AVL9: variants seen among roughly 807,000 people sequenced by gnomAD.
AVL9 encodes the protein AVL9 cell migration associated, also known as late secretory pathway protein AVL9 homolog.
AVL9 carries 49 observed loss-of-function variants against 79.2 expected under a neutral mutation model. That is an observed-to-expected ratio of 0.62 (90% CI 0.49 to 0.79). The LOEUF (loss-of-function observed/expected upper bound fraction) is 0.79, where lower values mean the gene tolerates loss of function less well. Among genes scored for constraint, AVL9 ranks in the 30% least tolerant of loss-of-function variants. AVL9 has a pLI of 0.00. For missense variants in AVL9, 682 were observed against 776.8 expected (o/e 0.88, Z 1.45); for synonymous variants, 299 against 280.6 (o/e 1.07, Z -0.65).
intron 10 of AVL9, among the ~76,000 whole-genome samples, chr7:32,568,347 C>G (rs971203205): frequency 1.3e-4 from 20 of 151,896 alleles, no homozygotes; most frequent in Admixed American, 1.2e-3. Flanking sequence ...ATTACAGGTG[C>G]CCGCCACCAT....
intron 12 of AVL9, among the ~76,000 whole-genome samples, chr7:32,575,665 G>A (rs1021435513): frequency 2.6e-5 from 4 of 152,122 alleles, no homozygotes; most frequent in African/African-American, 7.2e-5. Flanking sequence ...GGAGAATATG[G>A]AAATATTTTG....
At chr7:32,561,866 G>T (rs1411159132) in intron 10 of AVL9, among the ~76,000 whole-genome samples, 1 of 152,144 alleles carries the variant, frequency 6.6e-6, no homozygotes, top group Non-Finnish European at 1.5e-5. Flanking sequence ...CCATTGTAGG[G>T]TTGTTAATTG....
In AVL9 at chr7:32,585,329, A is replaced by G. The variant is rs1362002472; in HGVS notation, c.*1422A>G. The G allele has an allele frequency of 6.6e-6, 1 of 152,234 alleles. No homozygotes were observed. Among genetic ancestry groups the G allele is most frequent in the Non-Finnish European group, 1.5e-5 (1 of 68,034 alleles). The allele number at this position is 152,234 out of a possible 1,614,324, so 9.4% of individuals were successfully genotyped here. On this transcript the variant is annotated 3_prime_UTR_variant, in exon 16 of 16. Coordinates refer to ENST00000318709, the MANE Select transcript of AVL9 (RefSeq NM_015060.3). ...GAAAACTGCAGCCTTGACATCTGTC[A>G]TCTGAGAAAGGATATCTGGTTTCAT...
intron 3 of AVL9, among the ~76,000 whole-genome samples, chr7:32,545,360 A>ATTTTTT (rs1789434369): frequency 1.6e-5 from 1 of 60,974 alleles, no homozygotes; most frequent in African/African-American, 6.0e-5. Flanking sequence ...TATCTCTAAG[A>ATTTTTT]TTTCTTTTTT....
At chr7:32,564,632 TTGCC>T (rs1790475133) in intron 10 of AVL9, among the ~76,000 whole-genome samples, 1 of 152,212 alleles carries the variant, frequency 6.6e-6, no homozygotes. Context: ...GTACTTGAAC[TTGCC>T]TGAGGTTGAT....
intron 1 of AVL9, among the ~76,000 whole-genome samples, chr7:32,498,237 A>ATTTTTTTTTTTTT (rs10547851): frequency 1.1e-5 from 1 of 89,814 alleles, no homozygotes; most frequent in Non-Finnish European, 2.0e-5. Flanking sequence ...AAGTCCTCAG[A>ATTTTTTTTTTTTT]TTTTTTTTTT....
chr7:32,519,976 C>T lies in AVL9; in HGVS notation c.94-23165C>T, dbSNP rs141733473. Among the ~76,000 whole-genome samples, 1,399 of 152,230 alleles carry T rather than the reference C, an allele frequency of 9.2e-3. 22 individuals carry two copies. The highest frequency in any genetic ancestry group is 0.031 in the African/African-American group (1,298 of 41,528). The stretch of plus-strand genomic sequence containing the variant: ...TGCAACACACTTTCAAAAACCAGAT[C>T]TTGTGAGAACTCACTATCACAAGAA... On this transcript the variant is annotated intron_variant, in intron 1 of 15. Coordinates refer to ENST00000318709, the MANE Select transcript of AVL9 (RefSeq NM_015060.3).
At chr7:32,542,427 A>G (rs574166350) in intron 1 of AVL9, among the ~76,000 whole-genome samples, 159 of 151,190 alleles carry the variant, frequency 1.1e-3, no homozygotes, top group African/African-American at 3.7e-3. Context: ...GTGGTGGCAC[A>G]CGCCTGTAAT....
intron 4 of AVL9, among the ~76,000 whole-genome samples, chr7:32,550,803 A>G (rs562938848): frequency 5.3e-5 from 8 of 152,338 alleles, no homozygotes; most frequent in African/African-American, 1.9e-4. Flanking sequence ...AAATGTAATC[A>G]TGAATGTTCA....
chr7:32,526,598 A>G (rs1788410706), intron 1 of AVL9, among the ~76,000 whole-genome samples: 1 of 152,152 alleles, frequency 6.6e-6, no homozygotes, highest in Non-Finnish European at 1.5e-5. Flanking sequence ...CCTAAGCCCA[A>G]TGCTAAGCTA....
intron 1 of AVL9, among the ~76,000 whole-genome samples, chr7:32,521,491 T>C (rs1477108939): frequency 1.3e-5 from 2 of 152,230 alleles, no homozygotes; most frequent in East Asian, 3.8e-4. Flanking sequence ...TGTGGAACTT[T>C]GAACTTAAGA....
At chr7:32,501,820 A>G (rs1787140047) in intron 1 of AVL9, among the ~76,000 whole-genome samples, 1 of 152,146 alleles carries the variant, frequency 6.6e-6, no homozygotes, top group South Asian at 2.1e-4. Flanking sequence ...CCTTTGCTGA[A>G]TGTAGATTTT....
intron 10 of AVL9, among the ~76,000 whole-genome samples, chr7:32,563,320 C>T (rs1790410585): frequency 6.6e-6 from 1 of 152,136 alleles, no homozygotes; most frequent in Admixed American, 6.6e-5. Flanking sequence ...GCATGAGCCA[C>T]TGTGCCCAGC....
chr7:32,566,409 T>C (rs1370840203), intron 10 of AVL9, among the ~76,000 whole-genome samples: 6 of 150,762 alleles, frequency 4.0e-5, no homozygotes, highest in Non-Finnish European at 8.8e-5. Context: ...GCTCAAGCAG[T>C]CTGCCCACCC....
chr7:32,561,022 G>A (rs1790308343), intron 10 of AVL9, among the ~76,000 whole-genome samples: 1 of 152,158 alleles, frequency 6.6e-6, no homozygotes, highest in Non-Finnish European at 1.5e-5. Flanking sequence ...AAACCATGCT[G>A]TAAAGAGATG....
chr7:32,563,598 C>A (rs1048715345), intron 10 of AVL9, among the ~76,000 whole-genome samples: 8 of 150,634 alleles, frequency 5.3e-5, no homozygotes, highest in African/African-American at 2.0e-4. Flanking sequence ...AGGCAGTCTA[C>A]CACCTTTTCA....
At chr7:32,514,344 G>A (rs550866554) in intron 1 of AVL9, among the ~76,000 whole-genome samples, 7 of 152,278 alleles carry the variant, frequency 4.6e-5, no homozygotes, top group South Asian at 2.1e-4. Flanking sequence ...GGAGAATGGC[G>A]ATGACTTTCA....
In AVL9 at chr7:32,543,187, G is replaced by A. The variant is rs758432984; in HGVS notation, c.140G>A (p.Ser47Asn). Reference protein sequence around the residue: ...PPLIPGDGHDSHTLPEEWKYL... With the variant: ...PPLIPGDGHDNHTLPEEWKYL... The stretch of plus-strand genomic sequence containing the variant: ...CTGATTCCAGGAGATGGACATGACA[G>A]CCACACTTTACCTGAAGAATGGAAG... Residue 47 changes from serine (S) to asparagine (N), a missense_variant, in exon 2 of 16, where the codon AGC (serine) becomes AAC (asparagine). Physicochemically the swap from Ser to Asn is conservative, Grantham distance 46. Transcript: ENST00000318709. 2.5e-6 allele frequency: 4 copies of A among 1,614,150 alleles called. No homozygotes were observed.
intron 1 of AVL9, among the ~76,000 whole-genome samples, chr7:32,519,203 T>C (rs1010236931): frequency 6.6e-6 from 1 of 151,468 alleles, no homozygotes; most frequent in Non-Finnish European, 1.5e-5. Flanking sequence ...CCGAGGCGGG[T>C]GGATCATGAG....
Sources: gnomAD v4.1 joint callset for allele counts (sites outside exome capture counted in the v4.1 genomes callset) on GRCh38, gnomAD v4.1.1 for gene constraint, MANE v1.5 for transcripts, NCBI Gene and HGNC (gene_info 2026-07-23, HGNC 2026-07-21) for gene names.